The following THSD7B variants were observed in gnomAD, a reference collection of about 807,000 sequenced individuals.
THSD7B encodes thrombospondin type 1 domain containing 7B.
Under a neutral mutation model 213.6 loss-of-function variants are expected in THSD7B, and 138 were observed. The observed-to-expected ratio is 0.65, with a 90% confidence interval of 0.56 to 0.74. The LOEUF is 0.74. Ranked by LOEUF, THSD7B falls within the 30% of genes least tolerant of loss-of-function variation. The probability of loss-of-function intolerance (pLI) is 0.00; values close to 1 mark genes in which losing one functional copy is unlikely to be tolerated. For synonymous variants in THSD7B, 742 were observed against 687.0 expected (o/e 1.08, Z -1.25); for missense variants, 1,931 against 1,991.5 (o/e 0.97, Z 0.58).
At chr2:136,955,940 G>A (rs1387492141) in intron 2 of THSD7B, among the ~76,000 whole-genome samples, 3 of 151,002 alleles carry the variant, frequency 2.0e-5, no homozygotes, top group African/African-American at 7.3e-5. Context: ...TTATGGGCAT[G>A]AGCCACCACG....
intron 15 of THSD7B, among the ~76,000 whole-genome samples, chr2:137,480,057 GT>G (rs1008180249): frequency 1.3e-5 from 2 of 152,200 alleles, no homozygotes; most frequent in African/African-American, 4.8e-5. Flanking sequence ...ACCCAACGAA[GT>G]TTGGCTGAGC....
At chr2:137,668,363 C>A (rs1456726723) in intron 27 of THSD7B, among the ~76,000 whole-genome samples, 1 of 151,384 alleles carries the variant, frequency 6.6e-6, no homozygotes, top group African/African-American at 2.4e-5. Context: ...TTGAAAGAAC[C>A]TGTAAGCACA....
chr2:136,910,362 G>T (rs1684236998), intron 2 of THSD7B, among the ~76,000 whole-genome samples: 1 of 152,126 alleles, frequency 6.6e-6, no homozygotes, highest in South Asian at 2.1e-4. Flanking sequence ...TTTTAGGAAT[G>T]GGGGCTTGTG....
At position 137,677,525 on chromosome 2, in the gene THSD7B, T is replaced by C. The variant is rs1020270237; in HGVS notation, c.*920T>C. ...TTTAATTATCTGACCTCATTTAATA[T>C]ACATCAAACACCGATCCTGTTTGTA... On this transcript the variant is annotated 3_prime_UTR_variant, in exon 28 of 28. Coordinates refer to ENST00000409968, the MANE Select transcript of THSD7B (RefSeq NM_001316349.2). 7.9e-5 allele frequency: 12 copies of C among 152,654 alleles called. No homozygotes were observed. Among genetic ancestry groups the C allele is most frequent in the African/African-American group, 2.9e-4 (12 of 41,450 alleles). 9.5% of individuals were successfully genotyped at this position (152,654 alleles called of 1,614,324 possible). A position where few individuals can be genotyped will look rare whatever the true frequency, so the allele number is the denominator to read the frequency against.
At chr2:137,088,122 C>T (rs982443044) in intron 3 of THSD7B, among the ~76,000 whole-genome samples, 13 of 151,988 alleles carry the variant, frequency 8.6e-5, no homozygotes, top group African/African-American at 2.9e-4. Flanking sequence ...TGCCTATAGT[C>T]CTAGCTACTT....
intron 25 of THSD7B, among the ~76,000 whole-genome samples, chr2:137,662,242 C>CTTTTTTTTTTTT (rs57630973): frequency 4.3e-5 from 4 of 92,418 alleles, no homozygotes; most frequent in Non-Finnish European, 6.5e-5. Flanking sequence ...TTTTTTTTTT[C>CTTTTTTTTTTTT]TTTTTTTTTT....
chr2:137,141,210 T>G (rs1430097635), intron 5 of THSD7B, among the ~76,000 whole-genome samples: 1 of 152,008 alleles, frequency 6.6e-6, no homozygotes, highest in Non-Finnish European at 1.5e-5. Flanking sequence ...TTTAGTTGAG[T>G]GACAGGAGAT....
At chr2:136,961,737 G>A (rs187507338) in intron 2 of THSD7B, among the ~76,000 whole-genome samples, 46 of 152,274 alleles carry the variant, frequency 3.0e-4, no homozygotes, top group Admixed American at 1.0e-3. Flanking sequence ...TCGCATGAAC[G>A]GAGGAATGTG....
intron 5 of THSD7B, among the ~76,000 whole-genome samples, chr2:137,129,684 T>G (rs1286994266): frequency 1.3e-5 from 2 of 152,172 alleles, no homozygotes; most frequent in Admixed American, 6.5e-5. Context: ...CAAGCGATCC[T>G]CCTGCCTCAA....
At chr2:137,010,646 GT>G (rs1425490394) in intron 2 of THSD7B, among the ~76,000 whole-genome samples, 1 of 152,174 alleles carries the variant, frequency 6.6e-6, no homozygotes, top group African/African-American at 2.4e-5. Context: ...AGAAATGCAA[GT>G]GTTTTCTAGT....
At chr2:136,801,064 T>C (rs539662844) in intron 1 of THSD7B, among the ~76,000 whole-genome samples, 15 of 152,038 alleles carry the variant, frequency 9.9e-5, no homozygotes, top group Non-Finnish European at 2.2e-4. Context: ...ACGTCCATTG[T>C]AGGAATAGTC....
chr2:136,786,555 C>A (rs920831167), intron 1 of THSD7B, among the ~76,000 whole-genome samples: 2 of 152,018 alleles, frequency 1.3e-5, no homozygotes, highest in Admixed American at 1.3e-4. Flanking sequence ...TGGCTTGTTT[C>A]TCTTGTATTT....
intron 17 of THSD7B, among the ~76,000 whole-genome samples, chr2:137,580,539 C>T (rs375218168): frequency 3.3e-5 from 5 of 152,168 alleles, no homozygotes; most frequent in East Asian, 3.8e-4. Context: ...TTCACATTAT[C>T]TTTCCTAGAC....
chr2:137,236,530 C>CA (rs1008361115), intron 9 of THSD7B, among the ~76,000 whole-genome samples: 1 of 152,000 alleles, frequency 6.6e-6, no homozygotes, highest in Non-Finnish European at 1.5e-5. Flanking sequence ...TGGCAGTGTA[C>CA]AAAAAATAAT....
chr2:137,611,373 C>T (rs2104833446), intron 17 of THSD7B, among the ~76,000 whole-genome samples: 1 of 152,110 alleles, frequency 6.6e-6, no homozygotes, highest in East Asian at 1.9e-4. Flanking sequence ...AAATTGAGAA[C>T]CAAGATGGCA....
At chr2:137,394,638 G>T (rs1293654017) in intron 12 of THSD7B, among the ~76,000 whole-genome samples, 1 of 137,516 alleles carries the variant, frequency 7.3e-6, no homozygotes, top group African/African-American at 2.7e-5. Context: ...TTGCCTTGGC[G>T]ATGCGGGCTC....
At chr2:137,022,981 T>C (rs112456735) in intron 2 of THSD7B, among the ~76,000 whole-genome samples, 1,866 of 152,300 alleles carry the variant, frequency 0.012, 38 homozygotes, top group African/African-American at 0.043. Context: ...GTTCATAGTT[T>C]GCCAATCCCT....
chr2:137,202,127 T>A (rs1038876922), intron 7 of THSD7B, among the ~76,000 whole-genome samples: 1 of 152,178 alleles, frequency 6.6e-6, no homozygotes, highest in Admixed American at 6.5e-5. Context: ...CATGTAGTAA[T>A]TTTATTATAA....
rs375783136 is a variant in THSD7B at position 137,596,030 on chromosome 2, T to C, written c.3424-20145T>C. ...AGCAAAAACAGAGAGCTATACAAAATAGTCAAATATATTTCAGCCTTTATA... is the reference window on the plus strand; with the variant it reads ...AGCAAAAACAGAGAGCTATACAAAACAGTCAAATATATTTCAGCCTTTATA... On this transcript the variant is annotated intron_variant, in intron 17 of 27. Coordinates refer to ENST00000409968, the MANE Select transcript of THSD7B (RefSeq NM_001316349.2). 1.5e-4 allele frequency among the ~76,000 whole-genome samples: 23 copies of C among 151,986 alleles called. No individual in the cohort carries two copies. The East Asian group carries it at 3.9e-3, about 26-fold the overall frequency.
Sources: allele counts gnomAD v4.1 joint callset (sites outside exome capture counted in the v4.1 genomes callset), GRCh38; gene constraint gnomAD v4.1.1; transcripts MANE v1.5; gene names NCBI Gene and HGNC (gene_info 2026-07-23, HGNC 2026-07-21).